The following FMC1 variants were observed in gnomAD, a reference collection of about 807,000 sequenced individuals.
The protein encoded by FMC1 is formation of mitochondrial complex V assembly factor 1, also known as protein FMC1 homolog.
A neutral mutation model predicts 10.5 loss-of-function variants in FMC1; 6 were observed. That is an observed-to-expected ratio of 0.57 (90% CI 0.31 to 1.12). The LOEUF (loss-of-function observed/expected upper bound fraction) is 1.12, where lower values mean the gene tolerates loss of function less well. FMC1 is among the 50% of genes most tolerant of loss of function. FMC1 has a pLI of 0.05. For missense variants in FMC1, 146 were observed against 151.7 expected, an observed-to-expected ratio of 0.96 and a Z score of 0.20; for synonymous variants, 59 against 62.1, an observed-to-expected ratio of 0.95 and a Z score of 0.24.
At chr7:139,345,477 AT>A (rs1335793005) in intron 1 of FMC1, 23 bp from the exon 2 acceptor site, 1 of 1,613,844 alleles carries the variant, frequency 6.2e-7, no homozygotes, top group Admixed American at 1.7e-5. Flanking sequence ...TGGGTTAAGA[AT>A]TTCTGACTTG....
upstream of FMC1, chr7:139,341,232 C>T (rs1247246100): frequency 3.7e-6 from 5 of 1,339,144 alleles, no homozygotes; most frequent in South Asian, 1.6e-5. Context: ...TAATAAGGTT[C>T]GGTCAACGGA....
chr7:139,342,236 G>C (rs149446591), intron 1 of FMC1, among the ~76,000 whole-genome samples: 1 of 152,160 alleles, frequency 6.6e-6, no homozygotes, highest in Non-Finnish European at 1.5e-5. Context: ...ATACAGTAAA[G>C]TACTGAGGAT....
In FMC1 at chr7:139,345,880, T is replaced by C. The variant is rs767632102; in HGVS notation, c.*176T>C. On this transcript the variant is annotated 3_prime_UTR_variant, in exon 2 of 2. Coordinates refer to ENST00000297534, the MANE Select transcript of FMC1 (RefSeq NM_197964.5). ...TTACTCTCAGTGAATTTACTGAACT[T>C]TTTGCACTAGACTGATGTTGTTTTT... 1.2e-4 allele frequency: 83 copies of C among 705,470 alleles called. No homozygotes were observed. Among genetic ancestry groups the C allele is most frequent in the Non-Finnish European group, 1.6e-4 (76 of 466,538 alleles). The allele number at this position is 705,470 out of a possible 1,614,324, so 43.7% of individuals were successfully genotyped here.
chr7:139,341,183 T>G, upstream of FMC1: 1 of 845,100 alleles, frequency 1.2e-6, no homozygotes, highest in East Asian at 3.1e-5. Context: ...AACAGTCGGG[T>G]TTCGTTTGAT....
rs375049853 is a variant in FMC1 at position 139,345,574 on chromosome 7, G to T, written c.212G>T (p.Arg71Leu). 2.5e-6 allele frequency: 4 copies of T among 1,613,914 alleles called. No individual in the cohort carries two copies. Among genetic ancestry groups the T allele is most frequent in the South Asian group, 2.2e-5 (2 of 91,082 alleles). Residue 71 changes from arginine (R) to leucine (L), a missense_variant, in exon 2 of 2, where the codon CGT becomes CTT. Arg to Leu is a moderately radical substitution (Grantham distance 102). Transcript: ENST00000297534. ...FQAATYLCLL[R>L]SIRKHVALHQ... is the part of the protein sequence containing the mutation. ...GCTGCCACCTATCTCTGCCTCCTGC[G>T]TAGCATCCGGAAACATGTGGCCCTA...
chr7:139,341,758 T>G (rs1021563032), intron 1 of FMC1, among the ~76,000 whole-genome samples: 3 of 152,140 alleles, frequency 2.0e-5, no homozygotes, highest in Non-Finnish European at 4.4e-5. Context: ...CAGCCTGTCC[T>G]GCAGAGGGGC....
Position 139,345,501 on chromosome 7 carries a change from G to T in FMC1, c.139G>T (p.Val47Phe). 1 of 1,614,084 alleles carries T rather than the reference G, an allele frequency of 6.2e-7. No individual in the cohort carries two copies. The highest frequency in any genetic ancestry group is 1.3e-5 in the African/African-American group (1 of 75,026). The change falls in exon 2 of 2, where the codon GTC (valine) becomes TTC (phenylalanine). Residue 47 changes from valine to phenylalanine, a missense_variant and splice_region_variant. Coordinates refer to ENST00000297534, the MANE Select transcript of FMC1 (RefSeq NM_197964.5). ...AATTTCTGACTTGCTGCTTCTCTAG[G>T]TCACCAGTGAAAAGTTGTGCAGAGC... is the stretch of plus-strand genomic sequence containing the variant. The part of the protein sequence containing the change: ...YLVKAFRAHR[V>F]TSEKLCRAQH...
rs1799263822 is a variant in FMC1 at position 139,346,189 on chromosome 7, A to G, written c.*485A>G. 6.6e-6 allele frequency: 1 copy of G among 152,078 alleles called. No homozygotes were observed. The highest frequency in any genetic ancestry group is 2.1e-4 in the South Asian group (1 of 4,836). The allele number at this position is 152,078 out of a possible 1,614,324, so 9.4% of individuals were successfully genotyped here. ...GAGGTGGAGGTTGCGATGAGCTGAG[A>G]TCGCGCCATGGCACTCACTCCAGCC... On this transcript the variant is annotated 3_prime_UTR_variant, in exon 2 of 2. Transcript: ENST00000297534.
chr7:139,345,426 CTTAT>C, intron 1 of FMC1, 71 bp from the exon 2 acceptor site: 2 of 1,575,380 alleles, frequency 1.3e-6, no homozygotes, highest in Admixed American at 1.8e-5. Flanking sequence ...CTAGTGAATG[CTTAT>C]TTATTAAATC....
intron 1 of FMC1, among the ~76,000 whole-genome samples, chr7:139,341,896 A>G (rs905460122): frequency 6.6e-6 from 1 of 152,226 alleles, no homozygotes; most frequent in African/African-American, 2.4e-5. Flanking sequence ...TACTGTTGCT[A>G]GACTTAAAGC....
upstream of FMC1, chr7:139,341,077 T>G: frequency 3.7e-6 from 1 of 269,016 alleles, no homozygotes. Flanking sequence ...GACTCAGCGG[T>G]TGGTCGGCTA....
At chr7:139,344,303 G>A (rs1324889195) in intron 1 of FMC1, among the ~76,000 whole-genome samples, 2 of 152,032 alleles carry the variant, frequency 1.3e-5, no homozygotes, top group Non-Finnish European at 2.9e-5. Context: ...CCCCCACTCA[G>A]GAATACCAAA....
intron 1 of FMC1, among the ~76,000 whole-genome samples, chr7:139,342,576 C>T (rs1799040399): frequency 6.6e-6 from 1 of 152,156 alleles, no homozygotes; most frequent in Admixed American, 6.5e-5. Flanking sequence ...GATTCTCCTG[C>T]CTCAGCCTCC....
chr7:139,344,445 G>A (rs1799159916), intron 1 of FMC1, among the ~76,000 whole-genome samples: 2 of 152,192 alleles, frequency 1.3e-5, no homozygotes, highest in African/African-American at 4.8e-5. Flanking sequence ...GTAAATCGTT[G>A]TTATACTACA....
At chr7:139,343,035 T>C (rs943750375) in intron 1 of FMC1, among the ~76,000 whole-genome samples, 10 of 152,156 alleles carry the variant, frequency 6.6e-5, no homozygotes, top group African/African-American at 2.2e-4. Context: ...GAAAATACAG[T>C]GTTCTATTTC....
chr7:139,343,964 A>G (rs1013396730), intron 1 of FMC1, among the ~76,000 whole-genome samples: 1 of 148,488 alleles, frequency 6.7e-6, no homozygotes, highest in Non-Finnish European at 1.5e-5. Context: ...TGGGGGGCGT[A>G]TTATGTAGGC....
rs1017868874 is a variant in FMC1 at position 139,345,881 on chromosome 7, T to C, written c.*177T>C. ...TACTCTCAGTGAATTTACTGAACTT[T>C]TTGCACTAGACTGATGTTGTTTTTC... is the stretch of plus-strand genomic sequence containing the variant. On this transcript the variant is annotated 3_prime_UTR_variant, in exon 2 of 2. Coordinates refer to ENST00000297534, the MANE Select transcript of FMC1 (RefSeq NM_197964.5). 5.6e-5 allele frequency: 39 copies of C among 698,886 alleles called. No homozygotes were observed. In the East Asian group the frequency reaches 1.0e-3, roughly 18 times the overall value. 43.3% of individuals were successfully genotyped at this position (698,886 alleles called of 1,614,324 possible). A position where few individuals can be genotyped will look rare whatever the true frequency, so the allele number is the denominator to read the frequency against.
chr7:139,341,552 G>T (rs768169920), intron 1 of FMC1, 30 bp downstream of exon 1: 1 of 1,601,392 alleles, frequency 6.2e-7, no homozygotes. Context: ...GGTGCTCTAC[G>T]TGCTGGGGAG....
Position 139,345,563 on chromosome 7 carries a change from C to G in FMC1, c.201C>G (p.Leu67=). The change falls in exon 2 of 2, where the codon CTC becomes CTG. Residue 67 remains leucine, a synonymous_variant. Transcript: ENST00000297534. ...TTCATTTCCAAGCTGCCACCTATCTCTGCCTCCTGCGTAGCATCCGGAAAC... is the reference window on the plus strand; with the variant it reads ...TTCATTTCCAAGCTGCCACCTATCTGTGCCTCCTGCGTAGCATCCGGAAAC... The part of the protein sequence containing the change: ...HELHFQAATY[L]CLLRSIRKHV... 1.2e-6 allele frequency: 2 copies of G among 1,614,170 alleles called. No homozygotes were observed. Among genetic ancestry groups the G allele is most frequent in the Non-Finnish European group, 1.7e-6 (2 of 1,180,038 alleles).
Sources: gnomAD v4.1 joint callset for allele counts (sites outside exome capture counted in the v4.1 genomes callset) on GRCh38, gnomAD v4.1.1 for gene constraint, MANE v1.5 for transcripts, NCBI Gene and HGNC (gene_info 2026-07-23, HGNC 2026-07-21) for gene names.